The following SH3TC1 variants were observed in gnomAD, a reference collection of about 807,000 sequenced individuals.
SH3TC1 encodes the protein SH3 domain and tetratricopeptide repeats 1.
Under a neutral mutation model 117.3 loss-of-function variants are expected in SH3TC1, and 135 were observed. The observed-to-expected ratio is 1.15, with a 90% CI of 1.00 to 1.33. The LOEUF is 1.33. SH3TC1 is among the 40% of genes most tolerant of loss of function. The pLI is 0.00. For missense variants in SH3TC1, 2,092 were observed against 1,794.3 expected, an observed-to-expected ratio of 1.17 and a Z score of -3.00; for synonymous variants, 898 against 816.9, an observed-to-expected ratio of 1.10 and a Z score of -1.69.
At chr4:8,229,749 C>CT (rs1225347393) in intron 12 of SH3TC1, among the ~76,000 whole-genome samples, 1 of 152,042 alleles carries the variant, frequency 6.6e-6, no homozygotes, top group Non-Finnish European at 1.5e-5. Flanking sequence ...GGGCCATTCT[C>CT]TGACTGCAAG....
chr4:8,226,953 C>A, intron 11 of SH3TC1, 27 bp from the exon 12 acceptor site: 1 of 1,492,328 alleles, frequency 6.7e-7, no homozygotes, highest in Non-Finnish European at 9.0e-7. Context: ...GGACTCTAAT[C>A]TGTCTAGGTG....
intron 1 of SH3TC1, among the ~76,000 whole-genome samples, chr4:8,187,161 A>C (rs1047161105): frequency 2.0e-5 from 3 of 152,152 alleles, no homozygotes; most frequent in Non-Finnish European, 4.4e-5. Context: ...CCTGTTCCAC[A>C]CTATCAGTTG....
chr4:8,241,082 TTTTG>T lies in SH3TC1; in HGVS notation c.*131_*134del. ...CAGGGGCCAAATAGCAATAAATGGG[TTTTG>T]TTTTTTTTTTGCAATAACTTATTGA... On this transcript the variant is annotated 3_prime_UTR_variant, in exon 18 of 18. Coordinates refer to ENST00000245105, the MANE Select transcript of SH3TC1 (RefSeq NM_018986.5). 1.5e-6 allele frequency: 2 copies of T among 1,333,094 alleles called. No homozygotes were observed. Among genetic ancestry groups the T allele is most frequent in the African/African-American group, 3.0e-5 (2 of 67,356 alleles). The allele number at this position is 1,333,094 out of a possible 1,614,324, so 82.6% of individuals were successfully genotyped here.
At chr4:8,234,478 T>C (rs1462283987) in intron 14 of SH3TC1, among the ~76,000 whole-genome samples, 1 of 94,000 alleles carries the variant, frequency 1.1e-5, no homozygotes, top group Non-Finnish European at 2.3e-5. Context: ...ATTCAACCCA[T>C]CCATCCATCC....
chr4:8,233,023 A>G, intron 13 of SH3TC1: 3 of 1,208,140 alleles, frequency 2.5e-6, no homozygotes, highest in Non-Finnish European at 3.1e-6. Flanking sequence ...GCGCACCTTG[A>G]GAACCATCGG....
At chr4:8,216,551 C>T (rs1221118450) in intron 6 of SH3TC1, among the ~76,000 whole-genome samples, 1 of 152,218 alleles carries the variant, frequency 6.6e-6, no homozygotes. Flanking sequence ...CTGCCCTGGC[C>T]TTGTGGCTGG....
intron 1 of SH3TC1, among the ~76,000 whole-genome samples, chr4:8,199,709 C>T (rs1348405712): frequency 6.6e-6 from 1 of 152,182 alleles, no homozygotes; most frequent in Non-Finnish European, 1.5e-5. Flanking sequence ...TTGGCATGAG[C>T]GGCCCTGGGG....
chr4:8,217,016 G>A lies in SH3TC1; in HGVS notation c.688G>A (p.Ala230Thr). 1 of 1,613,870 alleles carries A rather than the reference G, an allele frequency of 6.2e-7. No individual in the cohort carries two copies. Among genetic ancestry groups the A allele is most frequent in the Non-Finnish European group, 8.5e-7 (1 of 1,179,890 alleles). The part of the protein sequence containing the change: ...HVRVMTGPRD[A>T]GNGPQALRQA... ...GAGAGTGATGACGGGTCCCCGGGAT[G>A]CAGGAAATGGCCCCCAGGCCCTCAG... Residue 230 changes from alanine to threonine, a missense_variant, in exon 7 of 18, where the codon GCA becomes ACA. By Grantham distance (58) the Ala-to-Thr change is moderately conservative (BLOSUM62 0). Coordinates refer to ENST00000245105, the MANE Select transcript of SH3TC1 (RefSeq NM_018986.5).
chr4:8,236,970 A>C, intron 16 of SH3TC1: 1 of 162,476 alleles, frequency 6.2e-6, no homozygotes, highest in Non-Finnish European at 1.3e-5. Flanking sequence ...CCGCGTGGGA[A>C]TGCATTGAAT....
intron 3 of SH3TC1, among the ~76,000 whole-genome samples, chr4:8,212,441 G>A (rs1229275650): frequency 6.6e-6 from 1 of 152,172 alleles, no homozygotes; most frequent in East Asian, 1.9e-4. Context: ...CAGGGGACAT[G>A]AGTCCACTTG....
intron 16 of SH3TC1, 141 bp from the exon 17 acceptor site, chr4:8,237,333 T>C: frequency 1.5e-6 from 1 of 651,924 alleles, no homozygotes; most frequent in Non-Finnish European, 2.4e-6. Context: ...GATGGGAAAG[T>C]GAGTCTGGGA....
chr4:8,184,770 C>A (rs1214566786), intron 1 of SH3TC1, among the ~76,000 whole-genome samples: 1 of 152,168 alleles, frequency 6.6e-6, no homozygotes, highest in Non-Finnish European at 1.5e-5. Flanking sequence ...CTTCCTCTCA[C>A]TTCAGTGAGA....
chr4:8,219,242 C>T, intron 8 of SH3TC1, 93 bp from the exon 9 acceptor site: 1 of 1,283,176 alleles, frequency 7.8e-7, no homozygotes, highest in Non-Finnish European at 1.1e-6. Context: ...AGATGAATTC[C>T]CCATGGTTCA....
chr4:8,240,882 T>C lies in SH3TC1; in HGVS notation c.3938T>C (p.Val1313Ala). Residue 1313 changes from valine (V) to alanine (A), a missense_variant, in exon 18 of 18, where the codon GTC (valine) becomes GCC (alanine). Physicochemically the swap from Val to Ala is moderately conservative, Grantham distance 64. Transcript: ENST00000245105. ...AGGACCTTCGCCACAGAGCTCAACG[T>C]CCGCAGGGTCAACCTGCCTCCTCTG... is the stretch of plus-strand genomic sequence containing the variant. ...KARTFATELN[V>A]RRVNLPPLPL... The C allele has an allele frequency of 6.2e-7, 1 of 1,613,408 alleles. No individual in the cohort carries two copies. Among genetic ancestry groups the C allele is most frequent in the Non-Finnish European group, 8.5e-7 (1 of 1,180,010 alleles).
rs372736399 is a variant in SH3TC1 at position 8,227,132 on chromosome 4, C to A, written c.1438C>A (p.Pro480Thr). 6.2e-7 allele frequency: 1 copy of A among 1,611,976 alleles called. No homozygotes were observed. The highest frequency in any genetic ancestry group is 1.3e-5 in the African/African-American group (1 of 74,874). Residue 480 changes from proline to threonine, a missense_variant, in exon 12 of 18, where the codon CCC (proline) becomes ACC (threonine). Physicochemically the swap from Pro to Thr is conservative, Grantham distance 38 (BLOSUM62 -1). Transcript: ENST00000245105. ...AASSDVSLQDPEEPSFCLEAE... is the reference protein window; with the variant it reads ...AASSDVSLQDTEEPSFCLEAE... ...ATCCAGCGACGTGAGCTTGCAGGAC[C>A]CCGAGGAGCCCTCCTTCTGCTTGGA...
chr4:8,222,973 G>T lies in SH3TC1; in HGVS notation c.1243+3G>T. 1 of 1,607,984 alleles carries T rather than the reference G, an allele frequency of 6.2e-7. No individual in the cohort carries two copies. Among genetic ancestry groups the T allele is most frequent in the Non-Finnish European group, 8.5e-7 (1 of 1,176,398 alleles). On this transcript the variant is annotated splice_donor_region_variant and intron_variant, in intron 10 of 17. Transcript: ENST00000245105. ...TGTCTGCAGCGTGTACAGCCTGGGTGCGTGTGGGCGATGCCTGTGGTGGGG... is the reference window on the plus strand; with the variant it reads ...TGTCTGCAGCGTGTACAGCCTGGGTTCGTGTGGGCGATGCCTGTGGTGGGG...
rs775608954 is a variant in SH3TC1 at position 8,214,536 on chromosome 4, A to T, written c.437A>T (p.Lys146Met). ...CAGGACCGGATCGTGGTGACGTTTA[A>T]GACTTTTGAAGAAATCTGGAAGTTT... ...SDQDRIVVTF[K>M]TFEEIWKFST... The change falls in exon 5 of 18, where the codon AAG (lysine) becomes ATG (methionine). Residue 146 changes from lysine to methionine, a missense_variant. Physicochemically the swap from Lys to Met is moderately conservative, Grantham distance 95. Coordinates refer to ENST00000245105, the MANE Select transcript of SH3TC1 (RefSeq NM_018986.5). 1 of 1,614,000 alleles carries T rather than the reference A, an allele frequency of 6.2e-7. No individual in the cohort carries two copies. Among genetic ancestry groups the T allele is most frequent in the South Asian group, 1.1e-5 (1 of 91,064 alleles).
At chr4:8,197,897 G>T (rs1717614007), upstream of SH3TC1, among the ~76,000 whole-genome samples, 3 of 152,182 alleles carry the variant, frequency 2.0e-5, no homozygotes, top group South Asian at 6.2e-4. Flanking sequence ...GGACGGGAGG[G>T]CGAGGATGAA....
chr4:8,198,562 G>A (rs572390342), upstream of SH3TC1, among the ~76,000 whole-genome samples: 2 of 152,360 alleles, frequency 1.3e-5, no homozygotes, highest in East Asian at 3.9e-4. Flanking sequence ...TTCCTCAGCA[G>A]GCAGGGGCGA....
Sources: gnomAD v4.1 joint callset for allele counts (sites outside exome capture counted in the v4.1 genomes callset) on GRCh38, gnomAD v4.1.1 for gene constraint, MANE v1.5 for transcripts, NCBI Gene and HGNC (gene_info 2026-07-23, HGNC 2026-07-21) for gene names.